The following AP1S3 variants were observed in gnomAD, a reference collection of about 807,000 sequenced individuals.
AP1S3 encodes the protein AP-1 complex subunit sigma-3.
Under a neutral mutation model 20.9 loss-of-function variants are expected in AP1S3, and 10 were observed. The ratio of observed to expected loss-of-function variants is 0.48; its 90% confidence interval spans 0.29 to 0.81. The LOEUF is 0.81. AP1S3 is among the 30% of genes least tolerant of loss of function. AP1S3 has a pLI of 0.08. For synonymous variants in AP1S3, 41 were observed against 61.5 expected (o/e 0.67, Z 1.56); for missense variants, 154 against 183.8 (o/e 0.84, Z 0.94).
chr2:223,797,092 A>C (rs1441410978), intron 1 of AP1S3, among the ~76,000 whole-genome samples: 1 of 152,064 alleles, frequency 6.6e-6, no homozygotes, highest in Non-Finnish European at 1.5e-5. Flanking sequence ...CTCTTTTCCC[A>C]CCAGTTTCTA....
chr2:223,772,064 G>A (rs553655549), intron 3 of AP1S3, among the ~76,000 whole-genome samples: 1 of 152,242 alleles, frequency 6.6e-6, no homozygotes, highest in South Asian at 2.1e-4. Flanking sequence ...CCGAGACCGC[G>A]CCACTGCATT....
At chr2:223,770,320 A>G in intron 3 of AP1S3, 2 of 1,550,428 alleles carry the variant, frequency 1.3e-6, no homozygotes, top group South Asian at 1.2e-5. Flanking sequence ...ACCAGCAATT[A>G]AACTCCTGCA....
chr2:223,780,275 TAA>T (rs1690889773), intron 1 of AP1S3, among the ~76,000 whole-genome samples: 1 of 45,802 alleles, frequency 2.2e-5, no homozygotes, highest in Admixed American at 2.8e-4. Context: ...CATGCCTGGC[TAA>T]TATATATATA....
At chr2:223,758,829 T>C in intron 4 of AP1S3, 79 bp from the exon 5 acceptor site, 1 of 1,238,608 alleles carries the variant, frequency 8.1e-7, no homozygotes, top group Non-Finnish European at 1.1e-6. Context: ...TCTGCATTCT[T>C]TTATTTATTT....
chr2:223,820,013 A>C (rs1691950573), intron 1 of AP1S3, among the ~76,000 whole-genome samples: 1 of 152,204 alleles, frequency 6.6e-6, no homozygotes, highest in Non-Finnish European at 1.5e-5. Context: ...ATTTATGTGT[A>C]AAAGAGTTTG....
intron 3 of AP1S3, among the ~76,000 whole-genome samples, chr2:223,770,497 T>TACACACACACACACACACAC (rs58486635): frequency 1.9e-4 from 27 of 141,738 alleles, no homozygotes; most frequent in South Asian, 4.6e-4. Context: ...AGAGAGACAA[T>TACACACACACACACACACAC]ACACACACAC....
At chr2:223,835,933 T>G (rs1193582550) in intron 1 of AP1S3, among the ~76,000 whole-genome samples, 1 of 152,226 alleles carries the variant, frequency 6.6e-6, no homozygotes, top group East Asian at 1.9e-4. Context: ...ATCTGTCACC[T>G]TGTTCCTTGG....
chr2:223,758,976 C>T (rs1360586584), intron 4 of AP1S3, among the ~76,000 whole-genome samples: 10 of 152,128 alleles, frequency 6.6e-5, no homozygotes, highest in African/African-American at 2.4e-4. Flanking sequence ...AAAAGTTAAG[C>T]TTGATCATAA....
intron 1 of AP1S3, among the ~76,000 whole-genome samples, chr2:223,812,820 T>C (rs1376130764): frequency 3.9e-5 from 6 of 152,160 alleles, no homozygotes; most frequent in African/African-American, 1.4e-4. Context: ...ATCAGGAATG[T>C]GCAGTGAAGT....
At chr2:223,799,352 G>A (rs865853409) in intron 1 of AP1S3, among the ~76,000 whole-genome samples, 27 of 152,146 alleles carry the variant, frequency 1.8e-4, no homozygotes, top group African/African-American at 6.0e-4. Context: ...AGAAAGGCAA[G>A]CAACCCATTC....
At chr2:223,790,537 G>A (rs1321639192) in intron 1 of AP1S3, among the ~76,000 whole-genome samples, 4 of 151,950 alleles carry the variant, frequency 2.6e-5, no homozygotes, top group African/African-American at 4.8e-5. Flanking sequence ...CCCAGTAATC[G>A]TTTGATTTTA....
At chr2:223,825,873 C>T (rs1220126012) in intron 1 of AP1S3, among the ~76,000 whole-genome samples, 1 of 151,602 alleles carries the variant, frequency 6.6e-6, no homozygotes, top group African/African-American at 2.4e-5. Context: ...AAAAATTAGT[C>T]AGGTGTGGTG....
chr2:223,762,054 C>A (rs1363759054), intron 4 of AP1S3, among the ~76,000 whole-genome samples: 1 of 150,864 alleles, frequency 6.6e-6, no homozygotes, highest in East Asian at 2.0e-4. Flanking sequence ...CTCACTGCAA[C>A]CTCCGCCCCC....
At chr2:223,805,648 A>G (rs1326834568) in intron 1 of AP1S3, among the ~76,000 whole-genome samples, 1 of 152,220 alleles carries the variant, frequency 6.6e-6, no homozygotes, top group Non-Finnish European at 1.5e-5. Flanking sequence ...CTAAAGCCTT[A>G]TTATAGTTCA....
At chr2:223,785,348 AT>A (rs1691048620) in intron 1 of AP1S3, among the ~76,000 whole-genome samples, 1 of 152,250 alleles carries the variant, frequency 6.6e-6, no homozygotes, top group Non-Finnish European at 1.5e-5. Context: ...ATCTCAAAAA[AT>A]AAAAACAAAA....
intron 1 of AP1S3, among the ~76,000 whole-genome samples, chr2:223,790,797 T>G (rs1279087676): frequency 6.6e-6 from 1 of 152,054 alleles, no homozygotes; most frequent in East Asian, 1.9e-4. Context: ...AGATCTACTT[T>G]CAAGATTCAA....
At chr2:223,825,676 A>G (rs1032996334) in intron 1 of AP1S3, among the ~76,000 whole-genome samples, 1 of 128,952 alleles carries the variant, frequency 7.8e-6, no homozygotes, top group Non-Finnish European at 1.7e-5. Flanking sequence ...AACAGATCTT[A>G]TATTTGTGGG....
intron 1 of AP1S3, among the ~76,000 whole-genome samples, chr2:223,825,226 T>G (rs1692099514): frequency 1.3e-5 from 2 of 151,034 alleles, no homozygotes; most frequent in Non-Finnish European, 2.9e-5. Context: ...GATAGGAGAA[T>G]GGCGTGAACC....
In AP1S3 at chr2:223,797,555, A is replaced by T. The variant is rs190583984; in HGVS notation, c.4-19686T>A. ...GGCAGGTGGGTCACCTGAGATCAGG[A>T]GTTCGAGACCAGCCTGGCCAACATG... On this transcript the variant is annotated intron_variant, in intron 1 of 4. Transcript: ENST00000396654. Among the ~76,000 whole-genome samples the T allele has an allele frequency of 1.9e-3, 283 of 152,228 alleles. 1 individual carries two copies. The highest frequency in any genetic ancestry group is 0.017 in the Middle Eastern group (5 of 294).
Sources: gnomAD v4.1 joint callset for allele counts (sites outside exome capture counted in the v4.1 genomes callset) on GRCh38, gnomAD v4.1.1 for gene constraint, MANE v1.5 for transcripts, NCBI Gene and HGNC (gene_info 2026-07-23, HGNC 2026-07-21) for gene names.